Variants in AAK1 observed in about 807,000 individuals in gnomAD.
AAK1 encodes the protein AP2 associated kinase 1.
In AAK1, 37 loss-of-function variants were observed where a neutral mutation model predicts 116.0. The ratio of observed to expected loss-of-function variants is 0.32; its 90% CI spans 0.25 to 0.42. AAK1 has a LOEUF of 0.42. AAK1 is among the 10% of genes least tolerant of loss of function. The pLI is 1.00. For missense variants in AAK1, 919 were observed against 1,170.6 expected (o/e 0.79, Z 3.14); for synonymous variants, 458 against 439.9 (o/e 1.04, Z -0.51).
intron 17 of AAK1, among the ~76,000 whole-genome samples, chr2:69,490,986 A>G (rs61482841): frequency 0.11 from 16,191 of 151,892 alleles, 1,947 homozygotes; most frequent in African/African-American, 0.28. Flanking sequence ...CACCCAGGCT[A>G]GAGTGTAGTA....
Position 69,530,121 on chromosome 2 carries a change from T to A in AAK1, c.758A>T (p.Tyr253Phe), listed in dbSNP as rs1169454021. The change falls in exon 8 of 22, where the codon TAT (tyrosine) becomes TTT (phenylalanine). Residue 253 changes from tyrosine to phenylalanine, a missense_variant. Around this residue, in one of 4 missense-constraint regions of AAK1, gnomAD observed 317 missense variants for 490.4 expected, o/e 0.65. Transcript: ENST00000409085. ...TGGCAAAGTGAAGTAGCATAATTTA[T>A]ACAACAAACATCCAAGAGCCTAAAA... ...ADIWALGCLLYKLCYFTLPFG... is the reference protein window; with the variant it reads ...ADIWALGCLLFKLCYFTLPFG... The A allele has an allele frequency of 1.2e-6, 2 of 1,609,186 alleles. No individual in the cohort carries two copies. Among genetic ancestry groups the A allele is most frequent in the Non-Finnish European group, 1.7e-6 (2 of 1,178,602 alleles).
chr2:69,537,916 A>T (rs987085111), intron 5 of AAK1, among the ~76,000 whole-genome samples: 1 of 152,228 alleles, frequency 6.6e-6, no homozygotes, highest in African/African-American at 2.4e-5. Flanking sequence ...CATGGTCCCT[A>T]TATCCAAGGT....
intron 2 of AAK1, among the ~76,000 whole-genome samples, chr2:69,595,867 T>C (rs942579301): frequency 6.6e-6 from 1 of 152,238 alleles, no homozygotes; most frequent in Non-Finnish European, 1.5e-5. Flanking sequence ...CTGATGCTCC[T>C]GTTAGGAACT....
At chr2:69,486,918 T>TTATC (rs1429135511) in intron 17 of AAK1, among the ~76,000 whole-genome samples, 1 of 152,132 alleles carries the variant, frequency 6.6e-6, no homozygotes, top group African/African-American at 2.4e-5. Flanking sequence ...AACGGTAATG[T>TTATC]TATCAGACAG....
chr2:69,583,123 T>C (rs1672616612), intron 2 of AAK1, among the ~76,000 whole-genome samples: 1 of 152,250 alleles, frequency 6.6e-6, no homozygotes. Flanking sequence ...CAAGTCACTA[T>C]ACTTCACTGG....
chr2:69,627,418 G>C (rs1428729500), intron 2 of AAK1, among the ~76,000 whole-genome samples: 1 of 152,086 alleles, frequency 6.6e-6, no homozygotes, highest in African/African-American at 2.4e-5. Context: ...AACAGGATTG[G>C]TTCCTTACAC....
At chr2:69,568,165 T>C (rs1284158331) in intron 2 of AAK1, among the ~76,000 whole-genome samples, 1 of 152,208 alleles carries the variant, frequency 6.6e-6, no homozygotes, top group African/African-American at 2.4e-5. Context: ...GTTAGTGGAT[T>C]ACATTCTCCA....
At position 69,474,501 on chromosome 2, in the gene AAK1, CA is replaced by C; in HGVS notation, c.*1367del. 1 of 984,330 alleles carries C rather than the reference CA, an allele frequency of 1.0e-6. No individual in the cohort carries two copies. The highest frequency in any genetic ancestry group is 1.1e-4 in the East Asian group (1 of 8,800). 61.0% of individuals were successfully genotyped at this position (984,330 alleles called of 1,614,324 possible). On this transcript the variant is annotated 3_prime_UTR_variant, in exon 22 of 22. Transcript: ENST00000409085. ...CAGGGGCCTTTATTTATTTTATGAA[CA>C]ATATCCTAAAGTTAATAAAGAACTA...
rs944406825 is a variant in AAK1 at position 69,462,259 on chromosome 2, C to G, written c.*13610G>C. 6.7e-6 allele frequency: 1 copy of G among 150,218 alleles called. No individual in the cohort carries two copies. Among genetic ancestry groups the G allele is most frequent in the Non-Finnish European group, 1.5e-5 (1 of 67,642 alleles). The allele number at this position is 150,218 out of a possible 1,614,324, so 9.3% of individuals were successfully genotyped here. A position where few individuals can be genotyped will look rare whatever the true frequency, so the allele number is the denominator to read the frequency against. On this transcript the variant is annotated 3_prime_UTR_variant, in exon 22 of 22. Transcript: ENST00000409085. ...GGGCGGGATAGCATTAGGAGATATA[C>G]CTAATGCTAAATGACGAGTTAGTGG... is the stretch of plus-strand genomic sequence containing the variant.
Position 69,465,901 on chromosome 2 carries a change from G to A in AAK1, c.*9968C>T. ...GCGGGCAGGGGGACATCACCTGTCT[G>A]ACTGAGGAGACCGGTCTGTGCAGGC... On this transcript the variant is annotated 3_prime_UTR_variant, in exon 22 of 22. Transcript: ENST00000409085. 1 of 1,290,854 alleles carries A rather than the reference G, an allele frequency of 7.7e-7. No homozygotes were observed. Among genetic ancestry groups the A allele is most frequent in the Non-Finnish European group, 1.0e-6 (1 of 988,874 alleles). 80.0% of individuals were successfully genotyped at this position (1,290,854 alleles called of 1,614,324 possible).
chr2:69,491,200 C>T (rs1356237100), intron 17 of AAK1, among the ~76,000 whole-genome samples: 1 of 152,092 alleles, frequency 6.6e-6, no homozygotes, highest in African/African-American at 2.4e-5. Flanking sequence ...TCGCCTTGGC[C>T]CCGCAAAGTG....
intron 7 of AAK1, 97 bp from the exon 8 acceptor site, chr2:69,530,237 G>T: frequency 7.8e-7 from 1 of 1,279,724 alleles, no homozygotes; most frequent in South Asian, 1.6e-5. Context: ...TTTACTAGCA[G>T]ATACAAAAAC....
rs1333724611 is a variant in AAK1 at position 69,598,241 on chromosome 2, C to G, written c.164-41263G>C. On this transcript the variant is annotated intron_variant, in intron 2 of 21. Transcript: ENST00000409085. ...AGTAAAGTATCTTTTAAACTGAAACCAGAGAAGTTTTTCACAGGTTATCCT... is the reference window on the plus strand; with the variant it reads ...AGTAAAGTATCTTTTAAACTGAAACGAGAGAAGTTTTTCACAGGTTATCCT... The G allele has an allele frequency of 5.7e-6, 3 of 523,840 alleles. No homozygotes were observed. The Admixed American group carries it at 1.1e-4, about 20-fold the overall frequency. 32.4% of individuals were successfully genotyped at this position (523,840 alleles called of 1,614,324 possible).
At position 69,519,165 on chromosome 2, in the gene AAK1, G is replaced by T. The variant is rs763233656; in HGVS notation, c.1286C>A (p.Pro429Gln). Residue 429 changes from proline to glutamine, a missense_variant, in exon 12 of 22, where the codon CCG (proline) becomes CAG (glutamine). Around this residue, in one of 4 missense-constraint regions of AAK1, gnomAD observed 214 missense variants for 210.6 expected, o/e 1.02. Transcript: ENST00000409085. ...KPQAPPSQPL[P>Q]QTQAKQPQAP... The stretch of plus-strand genomic sequence containing the variant: ...CTGTGGCTGCTTGGCCTGAGTTTGC[G>T]GCAGAGGCTGGCTGGGTGGGGCTTG... 3.2e-6 allele frequency: 5 copies of T among 1,584,368 alleles called. No homozygotes were observed. The highest frequency in any genetic ancestry group is 4.3e-6 in the Non-Finnish European group (5 of 1,164,988).
intron 20 of AAK1, among the ~76,000 whole-genome samples, chr2:69,477,385 C>A (rs989155203): frequency 6.6e-6 from 1 of 152,008 alleles, no homozygotes. Context: ...GGCTTGGGGG[C>A]AGGGCAGGGG....
intron 2 of AAK1, among the ~76,000 whole-genome samples, chr2:69,559,298 A>ACACTCT (rs1265191761): frequency 2.3e-4 from 18 of 78,282 alleles, no homozygotes; most frequent in African/African-American, 5.1e-4. Flanking sequence ...ACACACACAC[A>ACACTCT]CTCTCTCTCT....
rs117870677 is a variant in AAK1, at chr2:69,492,187, G to A, written c.2365+3798C>T. Among the ~76,000 whole-genome samples the A allele has an allele frequency of 3.5e-4, 53 of 151,968 alleles. No individual in the cohort carries two copies. The East Asian group carries it at 8.9e-3, about 25-fold the overall frequency. On this transcript the variant is annotated intron_variant, in intron 17 of 21. Coordinates refer to ENST00000409085, the MANE Select transcript of AAK1 (RefSeq NM_014911.5). The stretch of plus-strand genomic sequence containing the variant: ...TAAAAAAGTTAAAAGTCATTGAAAC[G>A]CATGGTCTTCAGGAGACTGAGAGTC...
Position 69,484,672 on chromosome 2 carries a change from T to C in AAK1, c.2366-1860A>G, listed in dbSNP as rs191300189. Among the ~76,000 whole-genome samples the C allele has an allele frequency of 4.6e-3, 693 of 151,990 alleles. 2 individuals are homozygous for C. Among genetic ancestry groups the C allele is most frequent in the Admixed American group, 0.011 (162 of 15,264 alleles). ...AGCCGGGTGTGGTAGTGCATGCCTA[T>C]AGTCCCAGCCTGACCAACATGGCGA... On this transcript the variant is annotated intron_variant, in intron 17 of 21. Coordinates refer to ENST00000409085, the MANE Select transcript of AAK1 (RefSeq NM_014911.5).
intron 10 of AAK1, among the ~76,000 whole-genome samples, chr2:69,523,501 A>G (rs748017288): frequency 3.9e-5 from 6 of 152,254 alleles, no homozygotes; most frequent in Non-Finnish European, 7.3e-5. Context: ...TTCAATTAAA[A>G]TTCACATATT....
Sources: gnomAD v4.1 joint callset for allele counts (sites outside exome capture counted in the v4.1 genomes callset) on GRCh38, gnomAD v4.1.1 for gene constraint, gnomAD v4.1.1 regional missense constraint, MANE v1.5 for transcripts, NCBI Gene and HGNC (gene_info 2026-07-23, HGNC 2026-07-21) for gene names.